Variants in CCDC7 observed in about 807,000 individuals in gnomAD.
CCDC7 encodes the protein coiled-coil domain containing 7.
A neutral mutation model predicts 196.9 loss-of-function variants in CCDC7; 183 were observed. The observed-to-expected ratio is 0.93, with a 90% CI of 0.82 to 1.05. The LOEUF is 1.05. CCDC7 is among the 50% of genes least tolerant of loss of function. CCDC7 has a pLI of 0.00. For missense variants in CCDC7, 1,540 were observed against 1,482.2 expected, an observed-to-expected ratio of 1.04 and a Z score of -0.64; for synonymous variants, 525 against 484.6, an observed-to-expected ratio of 1.08 and a Z score of -1.10.
chr10:32,735,983 A>T (rs1403068442), intron 28 of CCDC7, among the ~76,000 whole-genome samples: 3 of 152,008 alleles, frequency 2.0e-5, no homozygotes, highest in Non-Finnish European at 4.4e-5. Flanking sequence ...TATTTATGTG[A>T]TTCTTTTTAT....
chr10:32,490,689 C>T (rs182747745), intron 8 of CCDC7, among the ~76,000 whole-genome samples: 9 of 151,794 alleles, frequency 5.9e-5, no homozygotes, highest in South Asian at 2.1e-4. Flanking sequence ...CCCAGCTACT[C>T]GGGAGGCTGA....
intron 9 of CCDC7, among the ~76,000 whole-genome samples, chr10:32,502,724 T>C (rs2044265126): frequency 6.6e-6 from 1 of 152,222 alleles, no homozygotes; most frequent in South Asian, 2.1e-4. Context: ...GGGATTACAT[T>C]GAATCTCTAA....
chr10:32,630,334 A>ATG (rs1371168479), intron 18 of CCDC7, among the ~76,000 whole-genome samples: 8 of 148,248 alleles, frequency 5.4e-5, no homozygotes, highest in Non-Finnish European at 9.0e-5. Context: ...GTGTGTATAT[A>ATG]TGTATATATA....
At chr10:32,574,585 C>T (rs987940085) in intron 16 of CCDC7, 19 of 1,012,344 alleles carry the variant, frequency 1.9e-5, no homozygotes, top group South Asian at 3.4e-5. Flanking sequence ...TTTATTTTGG[C>T]TTAGGGAATG....
intron 33 of CCDC7, among the ~76,000 whole-genome samples, chr10:32,841,003 T>C (rs1270883089): frequency 6.6e-6 from 1 of 151,738 alleles, no homozygotes; most frequent in Non-Finnish European, 1.5e-5. Flanking sequence ...GAACATAACA[T>C]AAGGTAATAA....
chr10:32,567,724 C>A (rs1487581042), exon 15 of CCDC7: 2 of 1,613,266 alleles, frequency 1.2e-6, no homozygotes, highest in Admixed American at 3.3e-5. Flanking sequence ...AGAGAAGTTA[C>A]TTAAAAGTGA....
intron 28 of CCDC7, among the ~76,000 whole-genome samples, chr10:32,758,220 A>T (rs1565415677): frequency 6.6e-6 from 1 of 152,216 alleles, no homozygotes; most frequent in Non-Finnish European, 1.5e-5. Flanking sequence ...AATGAATAGA[A>T]AAAGAGGGAA....
Position 32,728,883 on chromosome 10 carries a change from A to C in CCDC7, c.2669-4A>C. The C allele has an allele frequency of 3.9e-6, 6 of 1,535,978 alleles. No individual in the cohort carries two copies. The highest frequency in any genetic ancestry group is 1.4e-5 in the African/African-American group (1 of 73,304). On this transcript the variant is annotated splice_region_variant and splice_polypyrimidine_tract_variant and intron_variant, in intron 26 of 41. Coordinates refer to ENST00000639629, the Ensembl canonical transcript of CCDC7. ...TGATGGACTAAATGCATCTCTTGAT[A>C]TAGCTCGTATTGTAGTACCAAATGA...
intron 7 of CCDC7, among the ~76,000 whole-genome samples, chr10:32,473,201 T>C (rs554057069): frequency 9.2e-5 from 14 of 152,286 alleles, no homozygotes; most frequent in East Asian, 1.9e-4. Context: ...GGAATTTGCA[T>C]TGGGTCCACA....
chr10:32,734,188 T>C (rs1026220488), intron 28 of CCDC7, among the ~76,000 whole-genome samples: 1 of 152,240 alleles, frequency 6.6e-6, no homozygotes, highest in East Asian at 1.9e-4. Flanking sequence ...TAAATGCCCA[T>C]CAATGACAAA....
chr10:32,491,116 T>G (rs2042082777), intron 8 of CCDC7, among the ~76,000 whole-genome samples: 1 of 152,162 alleles, frequency 6.6e-6, no homozygotes, highest in South Asian at 2.1e-4. Context: ...CTTTAAGGCT[T>G]AGCTTCTTTA....
chr10:32,801,947 C>T (rs1339386060), intron 29 of CCDC7, among the ~76,000 whole-genome samples: 28 of 152,152 alleles, frequency 1.8e-4, no homozygotes. Context: ...CCCACATGTC[C>T]CCATTTTAAG....
intron 18 of CCDC7, among the ~76,000 whole-genome samples, chr10:32,601,569 A>G (rs1404412663): frequency 6.6e-6 from 1 of 152,132 alleles, no homozygotes; most frequent in Non-Finnish European, 1.5e-5. Context: ...TCCTGGGTCG[A>G]GTGGGGACTT....
intron 41 of CCDC7, among the ~76,000 whole-genome samples, chr10:32,855,511 G>T (rs142841488): frequency 1.2e-3 from 185 of 152,292 alleles, no homozygotes; most frequent in African/African-American, 4.2e-3. Context: ...TCAGGCATTA[G>T]ATTCTCATAA....
At chr10:32,567,710 A>G in exon 15 of CCDC7, 1 of 1,613,294 alleles carries the variant, frequency 6.2e-7, no homozygotes, top group Non-Finnish European at 8.5e-7. Flanking sequence ...TATTTCCTAA[A>G]TCAAGAGAAG....
intron 24 of CCDC7, among the ~76,000 whole-genome samples, chr10:32,706,113 A>G (rs11813109): frequency 0.053 from 8,101 of 152,212 alleles, 733 homozygotes; most frequent in African/African-American, 0.18. Context: ...AATTATAACA[A>G]ACTGTCTCTC....
intron 21 of CCDC7, chr10:32,675,822 T>G (rs1383595392): frequency 6.6e-6 from 1 of 152,242 alleles, no homozygotes; most frequent in South Asian, 2.1e-4. Context: ...AGGTAATTTA[T>G]AGATTTAATG....
chr10:32,599,870 T>C, intron 18 of CCDC7, among the ~76,000 whole-genome samples: 1 of 152,200 alleles, frequency 6.6e-6, no homozygotes, highest in East Asian at 1.9e-4. Context: ...TACATGTGGC[T>C]ATTGAGGTTT....
intron 24 of CCDC7, among the ~76,000 whole-genome samples, chr10:32,702,231 G>A (rs974783156): frequency 5.3e-5 from 8 of 152,004 alleles, no homozygotes; most frequent in East Asian, 1.9e-4. Context: ...CTTTGTTCTC[G>A]TTGGTTTCAA....
Sources: gnomAD v4.1 joint callset for allele counts (sites outside exome capture counted in the v4.1 genomes callset) on GRCh38, gnomAD v4.1.1 for gene constraint, MANE v1.5 for transcripts, NCBI Gene and HGNC (gene_info 2026-07-23, HGNC 2026-07-21) for gene names.